RFX4: variants seen among roughly 807,000 people sequenced by gnomAD.
The protein encoded by RFX4 is transcription factor RFX4.
A neutral mutation model predicts 95.0 loss-of-function variants in RFX4; 10 were observed. That is an observed-to-expected ratio of 0.11 (90% CI 0.06 to 0.18). The LOEUF is 0.18. Among genes scored for constraint, RFX4 ranks in the 10% least tolerant of loss-of-function variants. The pLI, the probability that RFX4 is intolerant of heterozygous loss-of-function variation, is 1.00. For synonymous variants in RFX4, 321 were observed against 340.7 expected (o/e 0.94, Z 0.64); for missense variants, 640 against 922.0 (o/e 0.69, Z 3.96).
At chr12:106,690,072 G>T (rs755980538) in intron 7 of RFX4, among the ~76,000 whole-genome samples, 1 of 152,164 alleles carries the variant, frequency 6.6e-6, no homozygotes, top group Non-Finnish European at 1.5e-5. Context: ...TTTGGTGTGT[G>T]TGTTGTGGGA....
chr12:106,659,577 C>A lies in RFX4; in HGVS notation c.315+5226C>A, dbSNP rs145920589. 2.6e-3 allele frequency among the ~76,000 whole-genome samples: 389 copies of A among 152,304 alleles called. 1 individual carries two copies. Among genetic ancestry groups the A allele is most frequent in the African/African-American group, 8.6e-3 (356 of 41,566 alleles). On this transcript the variant is annotated intron_variant, in intron 4 of 17. Coordinates refer to ENST00000392842, the MANE Select transcript of RFX4 (RefSeq NM_213594.3). ...ATTCAGTTTTCATACGATTAAAGAGCAAACATTTATGTAGGGCTTTCTGTA... is the reference window on the plus strand; with the variant it reads ...ATTCAGTTTTCATACGATTAAAGAGAAAACATTTATGTAGGGCTTTCTGTA...
chr12:106,613,655 C>T (rs529339432), intron 2 of RFX4, among the ~76,000 whole-genome samples: 24 of 152,242 alleles, frequency 1.6e-4, no homozygotes, highest in Non-Finnish European at 2.6e-4. Context: ...TGAGCCACCA[C>T]GCCTGGCCTG....
chr12:106,616,641 T>C (rs983469756), intron 2 of RFX4, among the ~76,000 whole-genome samples: 1 of 152,196 alleles, frequency 6.6e-6, no homozygotes, highest in Non-Finnish European at 1.5e-5. Context: ...TAAATAGTTA[T>C]TGGATTATTT....
At chr12:106,621,556 T>A (rs1052452207) in intron 2 of RFX4, among the ~76,000 whole-genome samples, 1 of 152,240 alleles carries the variant, frequency 6.6e-6, no homozygotes, top group Non-Finnish European at 1.5e-5. Flanking sequence ...GGCTCTTTAG[T>A]CTCTAAGCTG....
intron 5 of RFX4, chr12:106,684,931 G>A: frequency 6.2e-7 from 1 of 1,613,404 alleles, no homozygotes. Context: ...AAGGAGGGTT[G>A]GGGAGAGGGA....
intron 2 of RFX4, among the ~76,000 whole-genome samples, chr12:106,623,128 T>C (rs2137241146): frequency 6.9e-6 from 1 of 145,414 alleles, no homozygotes; most frequent in Non-Finnish European, 1.5e-5. Flanking sequence ...AAGCTCCGCC[T>C]CCCGGGTTCA....
chr12:106,650,668 C>T (rs939377024), intron 3 of RFX4, among the ~76,000 whole-genome samples: 2 of 151,916 alleles, frequency 1.3e-5, no homozygotes, highest in Middle Eastern at 3.4e-3. Context: ...GCGGAGGTTG[C>T]GGTGAGCCGA....
intron 7 of RFX4, among the ~76,000 whole-genome samples, chr12:106,691,232 A>C (rs1326029958): frequency 6.6e-6 from 1 of 152,254 alleles, no homozygotes; most frequent in Non-Finnish European, 1.5e-5. Context: ...TAGTGTTACT[A>C]GAAGGAGGAG....
At chr12:106,615,248 C>T (rs1409915566) in intron 2 of RFX4, among the ~76,000 whole-genome samples, 1 of 152,118 alleles carries the variant, frequency 6.6e-6, no homozygotes, top group Non-Finnish European at 1.5e-5. Context: ...TCTTTAACCA[C>T]TGAGTTTCAG....
chr12:106,583,378 C>T lies in RFX4; in HGVS notation c.43+15C>T. ...GGATTCCACAGGTTAGTCCTACTGG[C>T]GGGGTTGGGGGGATACATTGGGAGG... is the stretch of plus-strand genomic sequence containing the variant. On this transcript the variant is annotated intron_variant, in intron 1 of 17. Transcript: ENST00000392842. The T allele has an allele frequency of 6.4e-7, 1 of 1,564,572 alleles. No homozygotes were observed. Among genetic ancestry groups the T allele is most frequent in the Non-Finnish European group, 8.6e-7 (1 of 1,160,736 alleles).
chr12:106,693,892 A>T (rs1287494696), intron 7 of RFX4, among the ~76,000 whole-genome samples: 1 of 152,222 alleles, frequency 6.6e-6, no homozygotes, highest in African/African-American at 2.4e-5. Context: ...GCTAACCTTT[A>T]TTAAACATCT....
intron 3 of RFX4, among the ~76,000 whole-genome samples, chr12:106,653,747 C>T (rs1014283867): frequency 6.6e-5 from 10 of 152,320 alleles, no homozygotes; most frequent in Middle Eastern, 6.8e-3. Context: ...TCTCCTGGGG[C>T]ATTGGTTTTC....
chr12:106,734,501 C>A (rs1051910336), intron 15 of RFX4, among the ~76,000 whole-genome samples: 2 of 151,718 alleles, frequency 1.3e-5, no homozygotes, highest in Non-Finnish European at 2.9e-5. Flanking sequence ...GAGGCTGAGG[C>A]AGGAGACTCG....
intron 8 of RFX4, among the ~76,000 whole-genome samples, chr12:106,708,339 GTA>G (rs2137489713): frequency 6.6e-6 from 1 of 151,692 alleles, no homozygotes; most frequent in South Asian, 2.1e-4. Flanking sequence ...GTGTGTGTGT[GTA>G]TGTTTTTTTT....
intron 1 of RFX4, among the ~76,000 whole-genome samples, chr12:106,589,852 C>T (rs1247632970): frequency 6.6e-6 from 1 of 152,178 alleles, no homozygotes; most frequent in East Asian, 1.9e-4. Context: ...ATGGTGGCAG[C>T]AATGGGAGGC....
chr12:106,624,202 A>G (rs1046116624), intron 2 of RFX4, among the ~76,000 whole-genome samples: 5 of 152,270 alleles, frequency 3.3e-5, no homozygotes, highest in Non-Finnish European at 7.3e-5. Context: ...GCTGAAAGGA[A>G]GGATGAAAGA....
chr12:106,679,169 C>A (rs1028133045), intron 4 of RFX4, among the ~76,000 whole-genome samples: 2 of 152,152 alleles, frequency 1.3e-5, no homozygotes, highest in Admixed American at 6.5e-5. Context: ...AAACATGGTG[C>A]CTTACTGGCC....
intron 4 of RFX4, among the ~76,000 whole-genome samples, chr12:106,676,338 G>C (rs1309152411): frequency 6.6e-6 from 1 of 152,172 alleles, no homozygotes; most frequent in Non-Finnish European, 1.5e-5. Flanking sequence ...CAAGTAGTCT[G>C]ACTTGGACAG....
intron 4 of RFX4, among the ~76,000 whole-genome samples, chr12:106,663,625 T>C (rs1269633654): frequency 6.6e-6 from 1 of 151,964 alleles, no homozygotes; most frequent in Non-Finnish European, 1.5e-5. Flanking sequence ...GAGACATCCT[T>C]GGCTTGGTCC....
Sources: allele counts gnomAD v4.1 joint callset (sites outside exome capture counted in the v4.1 genomes callset), GRCh38; gene constraint gnomAD v4.1.1; transcripts MANE v1.5; gene names NCBI Gene and HGNC (gene_info 2026-07-23, HGNC 2026-07-21).